DISP1: variants seen among roughly 807,000 people sequenced by gnomAD.
DISP1 encodes dispatched RND transporter family member 1.
Under a neutral mutation model 37.3 loss-of-function variants are expected in DISP1, and 30 were observed. The observed-to-expected ratio is 0.80, with a 90% CI of 0.60 to 1.09. The LOEUF (loss-of-function observed/expected upper bound fraction) is 1.09, where lower values mean the gene tolerates loss of function less well. DISP1 is among the 50% of genes least tolerant of loss of function. DISP1 has a pLI of 0.00. For missense variants in DISP1, 1,598 were observed against 1,879.5 expected (o/e 0.85, Z 2.77); for synonymous variants, 634 against 690.2 (o/e 0.92, Z 1.28).
chr1:222,850,184 G>T (rs1668142466), intron 1 of DISP1, among the ~76,000 whole-genome samples: 2 of 152,080 alleles, frequency 1.3e-5, no homozygotes, highest in South Asian at 4.1e-4. Context: ...ATAAATGCTG[G>T]CAGTAAAGTT....
chr1:222,919,706 T>C (rs1277489302), intron 1 of DISP1, among the ~76,000 whole-genome samples: 5 of 152,264 alleles, frequency 3.3e-5, no homozygotes, highest in African/African-American at 1.2e-4. Context: ...TTTGAACTTC[T>C]GAATAACTAA....
chr1:223,003,805 A>G lies in DISP1; in HGVS notation c.2408A>G (p.Asn803Ser), dbSNP rs779312476. Residue 803 changes from asparagine (N) to serine (S), a missense_variant, in exon 9 of 9, where the codon AAT (asparagine) becomes AGT (serine). Physicochemically the swap from Asn to Ser is conservative, Grantham distance 46. Coordinates refer to ENST00000675850, the MANE Select transcript of DISP1 (RefSeq NM_001377229.1). The surrounding 1 kb of genome is among the most constrained non-coding windows in gnomAD (Gnocchi z 4.3). ...VSPEDNGNPL[N>S]PKSKGKLTLD... ...CCAGAAGACAATGGCAACCCACTAA[A>G]TCCCAAGAGTAAAGGGAAGTTGACA... 6.2e-7 allele frequency: 1 copy of G among 1,614,172 alleles called. No individual in the cohort carries two copies. The highest frequency in any genetic ancestry group is 2.2e-5 in the East Asian group (1 of 44,878).
At chr1:222,956,117 G>A (rs568870545) in intron 3 of DISP1, among the ~76,000 whole-genome samples, 2 of 152,302 alleles carry the variant, frequency 1.3e-5, no homozygotes, top group Admixed American at 1.3e-4. Flanking sequence ...CTATTTGTGT[G>A]TCTGTGGTCA....
intron 1 of DISP1, among the ~76,000 whole-genome samples, chr1:222,819,424 C>CA (rs1408662853): frequency 4.0e-5 from 6 of 151,406 alleles, no homozygotes; most frequent in Admixed American, 1.3e-4. Flanking sequence ...TTCATTATGT[C>CA]AAAGAATGGA....
Position 223,004,931 on chromosome 1 carries a change from A to G in DISP1, c.3534A>G (p.Leu1178=), listed in dbSNP as rs1679779652. ...SKTHTINAYH[L]DPRGPKSELE... is the part of the protein sequence containing the mutation. Reference sequence around the variant, plus strand: ...CACATACCATAAATGCTTATCATTTAGATCCCAGGGGCCCAAAATCTGAAC... The same window carrying G: ...CACATACCATAAATGCTTATCATTTGGATCCCAGGGGCCCAAAATCTGAAC... The change falls in exon 9 of 9, where the codon TTA becomes TTG. Residue 1178 remains leucine, a synonymous_variant. Coordinates refer to ENST00000675850, the MANE Select transcript of DISP1 (RefSeq NM_001377229.1). The surrounding 1 kb of genome is among the most constrained non-coding windows in gnomAD (Gnocchi z 4.9). 1 of 1,612,664 alleles carries G rather than the reference A, an allele frequency of 6.2e-7. No individual in the cohort carries two copies. Among genetic ancestry groups the G allele is most frequent in the South Asian group, 1.1e-5 (1 of 91,090 alleles).
At chr1:222,839,497 T>G (rs1667459661) in intron 1 of DISP1, among the ~76,000 whole-genome samples, 1 of 152,182 alleles carries the variant, frequency 6.6e-6, no homozygotes, top group South Asian at 2.1e-4. Flanking sequence ...AGGTACAAGT[T>G]GCTACTAGTT....
At chr1:222,815,229 G>T (rs956417527) in intron 1 of DISP1, 151 bp downstream of exon 1, 1 of 152,210 alleles carries the variant, frequency 6.6e-6, no homozygotes. Flanking sequence ...GGGACCCCAG[G>T]CTTGAGAGAA....
Position 222,850,169 on chromosome 1 carries a change from C to T in DISP1, c.-159+35091C>T, listed in dbSNP as rs1215353543. On this transcript the variant is annotated intron_variant, in intron 1 of 8. Transcript: ENST00000675850. ...AGCATGTTACTAGCACATGAGAAAC[C>T]CTTAATAAATGCTGGCAGTAAAGTT... 3.3e-5 allele frequency among the ~76,000 whole-genome samples: 5 copies of T among 151,986 alleles called. No homozygotes were observed. The South Asian group carries it at 1.0e-3, about 32-fold the overall frequency.
intron 1 of DISP1, among the ~76,000 whole-genome samples, chr1:222,834,173 AT>A (rs1666439452): frequency 6.6e-6 from 1 of 151,852 alleles, no homozygotes; most frequent in African/African-American, 2.4e-5. Flanking sequence ...ACTTTAAAAC[AT>A]TTTTCTTCTG....
At chr1:222,831,464 T>C (rs1665726115) in intron 1 of DISP1, among the ~76,000 whole-genome samples, 2 of 152,246 alleles carry the variant, frequency 1.3e-5, no homozygotes, top group South Asian at 4.1e-4. Context: ...TAAATAGCTG[T>C]AAGTTCTTAT....
At chr1:222,867,286 T>C (rs924633492) in intron 1 of DISP1, among the ~76,000 whole-genome samples, 3 of 152,174 alleles carry the variant, frequency 2.0e-5, no homozygotes, top group Non-Finnish European at 4.4e-5. Context: ...TATGTAATAA[T>C]TGGAACTAAG....
chr1:222,978,269 C>G (rs1433016230), intron 3 of DISP1, among the ~76,000 whole-genome samples: 1 of 152,096 alleles, frequency 6.6e-6, no homozygotes, highest in Non-Finnish European at 1.5e-5. Context: ...TCTCTGATGG[C>G]CAGTGATGAT....
chr1:222,815,048 C>A lies in DISP1; in HGVS notation c.-189C>A, dbSNP rs1320486877. On this transcript the variant is annotated 5_prime_UTR_variant, in exon 1 of 9. Transcript: ENST00000675850. ...GACCGCGCCAGGCGGAAGCCCGGCTCCGGGCCAGCATCCGAGAGCCCGGAC... is the reference window on the plus strand; with the variant it reads ...GACCGCGCCAGGCGGAAGCCCGGCTACGGGCCAGCATCCGAGAGCCCGGAC... The A allele has an allele frequency of 6.6e-6, 1 of 152,204 alleles. No individual in the cohort carries two copies. The highest frequency in any genetic ancestry group is 2.4e-5 in the African/African-American group (1 of 41,438). 9.4% of individuals were successfully genotyped at this position (152,204 alleles called of 1,614,324 possible).
chr1:222,928,898 T>G (rs919830025), intron 2 of DISP1, among the ~76,000 whole-genome samples: 1 of 152,234 alleles, frequency 6.6e-6, no homozygotes, highest in South Asian at 2.1e-4. Flanking sequence ...TTTGAGATTC[T>G]TATTTAACTA....
At chr1:222,959,764 T>A (rs1174713433) in intron 3 of DISP1, among the ~76,000 whole-genome samples, 328 of 82,666 alleles carry the variant, frequency 4.0e-3, no homozygotes, top group Middle Eastern at 7.1e-3. Flanking sequence ...AGGCTCAAAA[T>A]AAAGGGATGG....
intron 3 of DISP1, among the ~76,000 whole-genome samples, chr1:222,973,902 A>G (rs957887090): frequency 6.6e-6 from 1 of 152,142 alleles, no homozygotes; most frequent in African/African-American, 2.4e-5. Context: ...TTGCTCTATG[A>G]TCTTGGACCC....
chr1:222,853,725 A>G (rs1668396733), intron 1 of DISP1, among the ~76,000 whole-genome samples: 1 of 152,054 alleles, frequency 6.6e-6, no homozygotes, highest in Non-Finnish European at 1.5e-5. Context: ...AACAGAGAAT[A>G]CCAGAGGGTG....
intron 1 of DISP1, among the ~76,000 whole-genome samples, chr1:222,919,115 C>A (rs1026510489): frequency 1.3e-5 from 2 of 152,198 alleles, no homozygotes; most frequent in African/African-American, 2.4e-5. Flanking sequence ...ACTGAACGAA[C>A]CACCAACCGG....
chr1:222,996,081 G>A (rs1036073587), intron 8 of DISP1, among the ~76,000 whole-genome samples: 2 of 152,130 alleles, frequency 1.3e-5, no homozygotes, highest in Non-Finnish European at 2.9e-5. Context: ...ATCGACTGAG[G>A]TATCAGGATT....
Sources: allele counts gnomAD v4.1 joint callset (sites outside exome capture counted in the v4.1 genomes callset), GRCh38; gene constraint gnomAD v4.1.1; non-coding constraint Gnocchi (gnomAD v3.1); transcripts MANE v1.5; gene names NCBI Gene and HGNC (gene_info 2026-07-23, HGNC 2026-07-21).